Variants in UBE3D observed in about 807,000 individuals in gnomAD.
The protein encoded by UBE3D is ubiquitin protein ligase E3D, also known as E3 ubiquitin-protein ligase E3D.
A neutral mutation model predicts 49.6 loss-of-function variants in UBE3D; 48 were observed. That is an observed-to-expected ratio of 0.97 (90% CI 0.77 to 1.23). The LOEUF (loss-of-function observed/expected upper bound fraction) is 1.23. UBE3D is among the 50% of genes most tolerant of loss of function. The probability of loss-of-function intolerance (pLI) is 0.00; values close to 1 mark genes in which losing one functional copy is unlikely to be tolerated. For synonymous variants in UBE3D, 189 were observed against 174.2 expected, an observed-to-expected ratio of 1.08 and a Z score of -0.67; for missense variants, 452 against 468.4, an observed-to-expected ratio of 0.96 and a Z score of 0.32.
At chr6:82,915,952 A>G (rs1291374378) in intron 9 of UBE3D, among the ~76,000 whole-genome samples, 1 of 152,216 alleles carries the variant, frequency 6.6e-6, no homozygotes, top group African/African-American at 2.4e-5. Context: ...AGTTCAACAG[A>G]GCACTGGGCT....
At chr6:82,975,844 T>C (rs944317413) in intron 8 of UBE3D, among the ~76,000 whole-genome samples, 44 of 152,308 alleles carry the variant, frequency 2.9e-4, no homozygotes, top group African/African-American at 1.1e-3. Context: ...GTATTACCTA[T>C]AAATTGACAA....
chr6:82,944,582 A>T (rs539839580), intron 9 of UBE3D, among the ~76,000 whole-genome samples: 1 of 152,336 alleles, frequency 6.6e-6, no homozygotes, highest in East Asian at 1.9e-4. Flanking sequence ...AGGAAAGCAA[A>T]GGGAAAAGTA....
intron 9 of UBE3D, among the ~76,000 whole-genome samples, chr6:82,935,068 T>C (rs1189289013): frequency 6.7e-6 from 1 of 149,360 alleles, no homozygotes; most frequent in Non-Finnish European, 1.5e-5. Context: ...ACTGGGTAAT[T>C]TATAAATAAG....
intron 4 of UBE3D, among the ~76,000 whole-genome samples, chr6:83,043,781 A>G (rs1782835842): frequency 6.6e-6 from 1 of 152,248 alleles, no homozygotes; most frequent in Admixed American, 6.5e-5. Flanking sequence ...GCTTTCTCAC[A>G]TGGGCCAAGC....
chr6:83,042,507 A>G (rs1782745617), intron 4 of UBE3D, among the ~76,000 whole-genome samples: 1 of 152,184 alleles, frequency 6.6e-6, no homozygotes. Context: ...TTCTTCACCT[A>G]TCCTTCAAGG....
At position 82,893,005 on chromosome 6, in the gene UBE3D, A is replaced by G; in HGVS notation, c.*17T>C. The stretch of plus-strand genomic sequence containing the variant: ...GAGAGCTGTCTGCCGGGGGAGGAGA[A>G]TGCCCAGCTCTAATAGTTACATCTT... On this transcript the variant is annotated 3_prime_UTR_variant, in exon 10 of 10. Transcript: ENST00000369747. 2 of 1,613,728 alleles carry G rather than the reference A, an allele frequency of 1.2e-6. No individual in the cohort carries two copies. Among genetic ancestry groups the G allele is most frequent in the African/African-American group, 2.7e-5 (2 of 75,026 alleles).
intron 9 of UBE3D, among the ~76,000 whole-genome samples, chr6:82,920,256 A>C (rs1043085209): frequency 6.6e-6 from 1 of 152,292 alleles, no homozygotes; most frequent in Non-Finnish European, 1.5e-5. Flanking sequence ...CAGGCTAACA[A>C]ATGTGTTTTT....
At chr6:82,999,348 TC>T (rs1490790642) in intron 8 of UBE3D, among the ~76,000 whole-genome samples, 1 of 152,050 alleles carries the variant, frequency 6.6e-6, no homozygotes, top group African/African-American at 2.4e-5. Flanking sequence ...ACCTTCTTTC[TC>T]ATGTGTAATC....
In UBE3D at chr6:82,992,040, T is replaced by C. The variant is rs139545295; in HGVS notation, c.1010+26933A>G. The stretch of plus-strand genomic sequence containing the variant: ...ATCCCGAAAAGTTTAAAGTTTTTAT[T>C]ACATTTTCTTTTGTTTTAATAGATT... On this transcript the variant is annotated intron_variant, in intron 8 of 9. Coordinates refer to ENST00000369747, the MANE Select transcript of UBE3D (RefSeq NM_198920.3). Among the ~76,000 whole-genome samples, 701 of 152,242 alleles carry C rather than the reference T, an allele frequency of 4.6e-3. 4 individuals are homozygous for C. Among genetic ancestry groups the C allele is most frequent in the Middle Eastern group, 0.017 (5 of 294 alleles).
downstream of UBE3D, among the ~76,000 whole-genome samples, chr6:82,891,958 C>T (rs574278451): frequency 2.6e-5 from 4 of 152,020 alleles, no homozygotes; most frequent in African/African-American, 7.2e-5. Context: ...ACCCCAGAGG[C>T]GGAGCCTGCA....
chr6:82,894,918 A>G (rs1434410254), intron 9 of UBE3D, among the ~76,000 whole-genome samples: 3 of 152,162 alleles, frequency 2.0e-5, no homozygotes, highest in Admixed American at 2.0e-4. Context: ...GAAGAAAACC[A>G]TTTATCTCTT....
chr6:82,887,692 G>C (rs1770913566), downstream of UBE3D, among the ~76,000 whole-genome samples: 1 of 145,422 alleles, frequency 6.9e-6, no homozygotes, highest in Non-Finnish European at 1.5e-5. Context: ...CTGGGCAACA[G>C]AGAGATACTC....
the UBE3D span, among the ~76,000 whole-genome samples, chr6:82,883,839 G>A: frequency 6.6e-6 from 1 of 152,152 alleles, no homozygotes; most frequent in Admixed American, 6.6e-5. Flanking sequence ...TTCTATAAAG[G>A]TAGAATAGGC....
At chr6:83,011,361 T>C in intron 8 of UBE3D, among the ~76,000 whole-genome samples, 1 of 152,222 alleles carries the variant, frequency 6.6e-6, no homozygotes, top group Admixed American at 6.5e-5. Flanking sequence ...CCAGCCTGTA[T>C]TCCCTTTGCC....
chr6:82,934,718 C>G (rs1774422564), intron 9 of UBE3D, among the ~76,000 whole-genome samples: 1 of 151,052 alleles, frequency 6.6e-6, no homozygotes, highest in Non-Finnish European at 1.5e-5. Context: ...AATAACAGAA[C>G]CAACTAAGAA....
intron 8 of UBE3D, among the ~76,000 whole-genome samples, chr6:83,009,148 T>C (rs1582626106): frequency 1.3e-5 from 2 of 152,248 alleles, no homozygotes; most frequent in South Asian, 2.1e-4. Flanking sequence ...ATAATGAATA[T>C]AAAAATCAGC....
chr6:82,899,371 C>G (rs187153525), intron 9 of UBE3D, among the ~76,000 whole-genome samples: 22 of 152,210 alleles, frequency 1.4e-4, no homozygotes, highest in African/African-American at 5.3e-4. Context: ...TGCACACATT[C>G]CATAAGAACT....
intron 9 of UBE3D, among the ~76,000 whole-genome samples, chr6:82,919,114 G>A (rs1395265710): frequency 1.3e-5 from 2 of 152,000 alleles, no homozygotes; most frequent in African/African-American, 4.8e-5. Flanking sequence ...TGTTTAGAAA[G>A]GGCAAAAAGA....
At chr6:83,041,564 T>C (rs1270074882) in intron 4 of UBE3D, among the ~76,000 whole-genome samples, 1 of 152,202 alleles carries the variant, frequency 6.6e-6, no homozygotes, top group African/African-American at 2.4e-5. Context: ...AAGACTGTTT[T>C]AAGCATTTCA....
Sources: gnomAD v4.1 joint callset for allele counts (sites outside exome capture counted in the v4.1 genomes callset) on GRCh38, gnomAD v4.1.1 for gene constraint, MANE v1.5 for transcripts, NCBI Gene and HGNC (gene_info 2026-07-23, HGNC 2026-07-21) for gene names.